The following RERE variants were observed in gnomAD, a reference collection of about 807,000 sequenced individuals.
The protein encoded by RERE is arginine-glutamic acid dipeptide repeats protein.
Under a neutral mutation model 146.1 loss-of-function variants are expected in RERE, and 40 were observed. That is an observed-to-expected ratio of 0.27 (90% CI 0.21 to 0.36). The LOEUF (loss-of-function observed/expected upper bound fraction) is 0.36. Among genes scored for constraint, RERE ranks in the 10% least tolerant of loss-of-function variants. RERE has a pLI of 1.00. For synonymous variants in RERE, 1,003 were observed against 866.0 expected (o/e 1.16, Z -2.78); for missense variants, 1,933 against 2,138.7 (o/e 0.90, Z 1.90).
intron 2 of RERE, among the ~76,000 whole-genome samples, chr1:8,646,103 T>G (rs903918406): frequency 6.9e-6 from 1 of 144,090 alleles, no homozygotes; most frequent in Non-Finnish European, 1.5e-5. Context: ...AACAAAGCTC[T>G]CAAATGTGAA....
chr1:8,530,919 CTGACCTCA>C (rs1645638792), intron 7 of RERE, among the ~76,000 whole-genome samples: 2 of 151,694 alleles, frequency 1.3e-5, no homozygotes, highest in African/African-American at 4.8e-5. Context: ...TCCCGATCTC[CTGACCTCA>C]TGATCCACCC....
intron 7 of RERE, among the ~76,000 whole-genome samples, chr1:8,528,719 C>T (rs909879465): frequency 6.6e-6 from 1 of 152,028 alleles, no homozygotes; most frequent in African/African-American, 2.4e-5. Flanking sequence ...CCCCCTCCCC[C>T]ACCAAAACAT....
chr1:8,812,950 A>C (rs532383140), intron 1 of RERE, among the ~76,000 whole-genome samples: 20 of 152,096 alleles, frequency 1.3e-4, no homozygotes, highest in African/African-American at 2.2e-4. Flanking sequence ...ATTTAAAAAA[A>C]AAACACACAC....
chr1:8,728,818 G>C (rs1379354180), intron 1 of RERE, among the ~76,000 whole-genome samples: 1 of 152,196 alleles, frequency 6.6e-6, no homozygotes, highest in Non-Finnish European at 1.5e-5. Context: ...GATTTCCACA[G>C]GCTCTGAAAC....
chr1:8,679,896 C>T (rs1244283101), intron 1 of RERE, among the ~76,000 whole-genome samples: 1 of 152,164 alleles, frequency 6.6e-6, no homozygotes, highest in Non-Finnish European at 1.5e-5. Context: ...TTATCACAGG[C>T]TGCTTATACA....
chr1:8,513,424 T>C (rs1249670429), intron 7 of RERE, among the ~76,000 whole-genome samples: 1 of 152,228 alleles, frequency 6.6e-6, no homozygotes, highest in African/African-American at 2.4e-5. Context: ...AATATATTGT[T>C]GTGGTTAAAT....
chr1:8,612,403 A>G (rs763200939), intron 4 of RERE, among the ~76,000 whole-genome samples: 1 of 152,156 alleles, frequency 6.6e-6, no homozygotes. Flanking sequence ...AGAACAATCA[A>G]TACAGTTAGC....
At chr1:8,787,458 A>T (rs1325313363) in intron 1 of RERE, among the ~76,000 whole-genome samples, 1 of 152,224 alleles carries the variant, frequency 6.6e-6, no homozygotes, top group Non-Finnish European at 1.5e-5. Context: ...AAATCTGGGC[A>T]GAACAAATGC....
intron 1 of RERE, among the ~76,000 whole-genome samples, chr1:8,767,899 G>C (rs1366221162): frequency 6.6e-6 from 1 of 152,208 alleles, no homozygotes; most frequent in East Asian, 1.9e-4. Flanking sequence ...CTAGGAGGCG[G>C]AGGTTGCAGG....
chr1:8,361,201 G>C lies in RERE; in HGVS notation c.2306C>G (p.Ser769Cys). The change falls in exon 18 of 23, where the codon TCT (serine) becomes TGT (cysteine). Residue 769 changes from serine (S) to cysteine (C), a missense_variant. Ser to Cys is a moderately radical substitution (Grantham distance 112, BLOSUM62 -1). Around this residue, in one of 11 missense-constraint regions of RERE, gnomAD observed 1,255 missense variants for 1,153.8 expected, o/e 1.09. Coordinates refer to ENST00000400908, the MANE Select transcript of RERE (RefSeq NM_001042681.2). ...PQLPTPGPTPSATAVPPQGSP... is the reference protein window; with the variant it reads ...PQLPTPGPTPCATAVPPQGSP... ...GCCCTGTGGGGGAACTGCAGTGGCA[G>C]AGGGCGTGGGCCCTGGCGTGGGCAG... is the stretch of plus-strand genomic sequence containing the variant. The C allele has an allele frequency of 6.7e-7, 1 of 1,492,850 alleles. No individual in the cohort carries two copies. Among genetic ancestry groups the C allele is most frequent in the Middle Eastern group, 1.9e-4 (1 of 5,254 alleles). The allele number at this position is 1,492,850 out of a possible 1,614,324, so 92.5% of individuals were successfully genotyped here.
In RERE at chr1:8,678,037, T is replaced by TC. The variant is rs1206069411; in HGVS notation, c.-144-21597dup. Among the ~76,000 whole-genome samples the TC allele has an allele frequency of 3.9e-5, 6 of 152,174 alleles. No homozygotes were observed. The South Asian group carries it at 8.3e-4, about 21-fold the overall frequency. ...AGCCTGCCTTGACTCCTCATATCCC[T>TC]CCAAAGGGCCTGCAGCCCTCCGGAA... On this transcript the variant is annotated intron_variant, in intron 1 of 22. Coordinates refer to ENST00000400908, the MANE Select transcript of RERE (RefSeq NM_001042681.2).
chr1:8,356,186 C>T lies in RERE; in HGVS notation c.4400G>A (p.Arg1467His), dbSNP rs1641285298. 4 of 1,519,338 alleles carry T rather than the reference C, an allele frequency of 2.6e-6. No homozygotes were observed. The highest frequency in any genetic ancestry group is 1.3e-5 in the South Asian group (1 of 77,060). 94.1% of individuals were successfully genotyped at this position (1,519,338 alleles called of 1,614,324 possible). A position where few individuals can be genotyped will look rare whatever the true frequency, so the allele number is the denominator to read the frequency against. The change falls in exon 21 of 23, where the codon CGC becomes CAC. Residue 1467 changes from arginine to histidine, a missense_variant. Arg to His is a conservative substitution (Grantham distance 29). Transcript: ENST00000400908. This position sits in a 1 kb window ranked among gnomAD's most constrained non-coding sequence, Gnocchi z 5.2. ...GAGAGTGCCAGGCGGGTAGGGGAAG[C>T]GAGCCAGGTGGGGACCGGCAGTCAG... ...DPLTAGPHLA[R>H]FPYPPGTLPN...
intron 8 of RERE, among the ~76,000 whole-genome samples, chr1:8,501,587 C>T (rs1440499977): frequency 7.6e-6 from 1 of 131,072 alleles, no homozygotes; most frequent in Admixed American, 7.1e-5. Context: ...CCCCTCTGCC[C>T]GGCCAGCCGC....
rs61426432 is a variant in RERE, at chr1:8,564,870, GTA to G, written c.523-7349_523-7348del. ...TGTGTGTGTGTGTGTGTGTGTGTGT[GTA>G]TATATATATATAAAACTACTATTCA... On this transcript the variant is annotated intron_variant, in intron 4 of 22. Transcript: ENST00000400908. Among the ~76,000 whole-genome samples the G allele has an allele frequency of 8.8e-3, 1,121 of 127,308 alleles. 14 individuals carry two copies. The highest frequency in any genetic ancestry group is 0.035 in the Middle Eastern group (9 of 256). The allele number at this position is 127,308 out of a possible 152,430, so 83.5% of individuals were successfully genotyped here.
rs1388105031 is a variant in RERE, at chr1:8,354,217, G to A, written c.*870C>T. 6.6e-6 allele frequency: 1 copy of A among 152,550 alleles called. No individual in the cohort carries two copies. Among genetic ancestry groups the A allele is most frequent in the Non-Finnish European group, 1.5e-5 (1 of 68,046 alleles). 9.4% of individuals were successfully genotyped at this position (152,550 alleles called of 1,614,324 possible). A position where few individuals can be genotyped will look rare whatever the true frequency, so the allele number is the denominator to read the frequency against. On this transcript the variant is annotated 3_prime_UTR_variant, in exon 23 of 23. Transcript: ENST00000400908. ...TGCACTCCCTGTGCAAAATGGAAGA[G>A]GTCTGATGGAGCAGATGTCTGTGCT...
intron 4 of RERE, among the ~76,000 whole-genome samples, chr1:8,609,237 A>C (rs1397539667): frequency 2.0e-5 from 3 of 151,048 alleles, no homozygotes; most frequent in African/African-American, 7.3e-5. Flanking sequence ...AAAAAAAAGG[A>C]ATAAATTAAC....
At chr1:8,375,244 G>A (rs1232016200) in intron 12 of RERE, among the ~76,000 whole-genome samples, 1 of 152,166 alleles carries the variant, frequency 6.6e-6, no homozygotes, top group Non-Finnish European at 1.5e-5. Context: ...TTTGAGAAAT[G>A]GATACCGAAT....
chr1:8,508,578 G>A (rs374427361), intron 8 of RERE, 49 bp downstream of exon 8: 9 of 1,355,138 alleles, frequency 6.6e-6, no homozygotes, highest in Non-Finnish European at 9.5e-6. Context: ...TGCCAGCAGA[G>A]TAATAAGAAA....
At chr1:8,503,126 AT>A (rs1645203079) in intron 8 of RERE, among the ~76,000 whole-genome samples, 1 of 151,350 alleles carries the variant, frequency 6.6e-6, no homozygotes, top group Non-Finnish European at 1.5e-5. Flanking sequence ...AAATAAATAA[AT>A]AAAAAAGAAT....
Sources: allele counts gnomAD v4.1 joint callset (sites outside exome capture counted in the v4.1 genomes callset), GRCh38; gene constraint gnomAD v4.1.1; regional missense constraint gnomAD v4.1.1; non-coding constraint Gnocchi (gnomAD v3.1); transcripts MANE v1.5; gene names NCBI Gene and HGNC (gene_info 2026-07-23, HGNC 2026-07-21).